The following AMOTL1 variants were observed in gnomAD, a reference collection of about 807,000 sequenced individuals.
AMOTL1 encodes the protein angiomotin-like protein 1.
Under a neutral mutation model 102.9 loss-of-function variants are expected in AMOTL1, and 45 were observed. The ratio of observed to expected loss-of-function variants is 0.44; its 90% CI spans 0.34 to 0.56. The LOEUF is 0.56. Among genes scored for constraint, AMOTL1 ranks in the 20% least tolerant of loss-of-function variants. The probability of loss-of-function intolerance (pLI) is 0.01; values close to 1 mark genes in which losing one functional copy is unlikely to be tolerated. For missense variants in AMOTL1, 1,114 were observed against 1,225.6 expected, an observed-to-expected ratio of 0.91 and a Z score of 1.36; for synonymous variants, 481 against 484.7, an observed-to-expected ratio of 0.99 and a Z score of 0.10.
intron 3 of AMOTL1, chr11:94,741,036 G>C (rs1463957881): frequency 7.9e-7 from 1 of 1,269,518 alleles, no homozygotes; most frequent in South Asian, 1.2e-5. Flanking sequence ...AATTCTGCCC[G>C]AGAACTGCGA....
intron 1 of AMOTL1, among the ~76,000 whole-genome samples, chr11:94,780,046 T>C (rs1345720211): frequency 1.3e-5 from 2 of 152,214 alleles, no homozygotes; most frequent in African/African-American, 2.4e-5. Context: ...AAGAAGAGAT[T>C]TGAAGTTCAT....
intron 1 of AMOTL1, among the ~76,000 whole-genome samples, chr11:94,714,783 T>C (rs190112829): frequency 5.8e-4 from 88 of 152,204 alleles, no homozygotes; most frequent in Non-Finnish European, 9.3e-4. Flanking sequence ...AGCTAGAGAG[T>C]TATCAATTAT....
At chr11:94,865,057 G>C (rs1952853688) in intron 10 of AMOTL1, among the ~76,000 whole-genome samples, 197 bp downstream of exon 10, 1 of 152,170 alleles carries the variant, frequency 6.6e-6, no homozygotes, top group Non-Finnish European at 1.5e-5. Context: ...AATGGATCTG[G>C]TGCCGGAGTT....
At chr11:94,848,019 C>T (rs1005132022) in intron 6 of AMOTL1, among the ~76,000 whole-genome samples, 7 of 152,182 alleles carry the variant, frequency 4.6e-5, no homozygotes, top group African/African-American at 1.7e-4. Context: ...GGTTCATCTC[C>T]AGGATGCCTG....
chr11:94,744,073 C>T (rs979882366), intron 3 of AMOTL1, among the ~76,000 whole-genome samples: 1 of 152,176 alleles, frequency 6.6e-6, no homozygotes, highest in Non-Finnish European at 1.5e-5. Flanking sequence ...AATTTTACCA[C>T]TACCCAGAGT....
At chr11:94,857,859 C>G (rs1952699513) in intron 8 of AMOTL1, among the ~76,000 whole-genome samples, 1 of 152,070 alleles carries the variant, frequency 6.6e-6, no homozygotes, top group Non-Finnish European at 1.5e-5. Flanking sequence ...TACTTGTCGT[C>G]TAGATGGCTG....
At chr11:94,707,248 C>CTGTGTGTGTGTG (rs1225814157) in intron 1 of AMOTL1, among the ~76,000 whole-genome samples, 14 of 65,918 alleles carry the variant, frequency 2.1e-4, no homozygotes, top group East Asian at 3.4e-4. Flanking sequence ...CTCTCTCTCT[C>CTGTGTGTGTGTG]TCTGTGTGTG....
At chr11:94,768,352 C>G, upstream of AMOTL1, 4 of 1,370,272 alleles carry the variant, frequency 2.9e-6, no homozygotes, top group Non-Finnish European at 2.8e-6. Context: ...CGGACGGCGG[C>G]GGGAGCGCGC....
intron 7 of AMOTL1, among the ~76,000 whole-genome samples, chr11:94,851,965 C>T (rs190166917): frequency 8.9e-4 from 135 of 152,306 alleles, no homozygotes; most frequent in African/African-American, 3.2e-3. Context: ...AAATGCTGAG[C>T]GCTATTCCAG....
chr11:94,759,074 C>G (rs1294623400), intron 3 of AMOTL1, among the ~76,000 whole-genome samples: 2 of 152,152 alleles, frequency 1.3e-5, no homozygotes, highest in African/African-American at 4.8e-5. Context: ...TTGAAAATGA[C>G]TTAAAATGTT....
chr11:94,801,184 A>T (rs928390587), intron 3 of AMOTL1, among the ~76,000 whole-genome samples: 2 of 152,192 alleles, frequency 1.3e-5, no homozygotes, highest in African/African-American at 2.4e-5. Context: ...TTGAGTTGGA[A>T]CTTGAAGGAT....
At chr11:94,825,497 G>A (rs72973811) in intron 4 of AMOTL1, among the ~76,000 whole-genome samples, 36,230 of 152,124 alleles carry the variant, frequency 0.24, 4,922 homozygotes, top group East Asian at 0.46. Flanking sequence ...TGCTCTGCTT[G>A]TAGTTCTGTC....
At chr11:94,774,132 C>T (rs1950991962) in intron 1 of AMOTL1, among the ~76,000 whole-genome samples, 1 of 152,182 alleles carries the variant, frequency 6.6e-6, no homozygotes, top group Admixed American at 6.5e-5. Context: ...AAGCAAAACA[C>T]TTTATAATGT....
rs1408463473 is a variant in AMOTL1, at chr11:94,799,235, A to G, written c.200-155A>G. 2.0e-5 allele frequency among the ~76,000 whole-genome samples: 3 copies of G among 152,180 alleles called. No homozygotes were observed. The highest frequency in any genetic ancestry group is 6.5e-5 in the Admixed American group (1 of 15,288). On this transcript the variant is annotated intron_variant, in intron 2 of 12. Transcript: ENST00000433060. This position sits in a 1 kb window ranked among gnomAD's most constrained non-coding sequence, Gnocchi z 4.5. Reference sequence around the variant, plus strand: ...GCTTTGAATTGGAGAAGAAAATTCCATGAGACATTGCCAGGTAAATGGAGG... The same window carrying G: ...GCTTTGAATTGGAGAAGAAAATTCCGTGAGACATTGCCAGGTAAATGGAGG...
chr11:94,775,771 C>A (rs1951019291), intron 1 of AMOTL1, among the ~76,000 whole-genome samples: 2 of 152,182 alleles, frequency 1.3e-5, no homozygotes, highest in South Asian at 4.1e-4. Flanking sequence ...GATGATAAGA[C>A]AGGGACACAT....
chr11:94,794,687 CA>C (rs1951334881), intron 1 of AMOTL1, among the ~76,000 whole-genome samples: 1 of 152,192 alleles, frequency 6.6e-6, no homozygotes, highest in South Asian at 2.1e-4. Context: ...AACTTTGTGA[CA>C]CATTCAGTCC....
intron 2 of AMOTL1, among the ~76,000 whole-genome samples, chr11:94,737,508 AT>A (rs1235664084): frequency 6.6e-6 from 1 of 152,192 alleles, no homozygotes; most frequent in African/African-American, 2.4e-5. Flanking sequence ...CTCTCACCAC[AT>A]TGGTATGCTA....
intron 2 of AMOTL1, among the ~76,000 whole-genome samples, chr11:94,734,708 G>A (rs1217572639): frequency 6.6e-6 from 1 of 152,164 alleles, no homozygotes; most frequent in Middle Eastern, 3.2e-3. Context: ...CTGCTCTGCT[G>A]TTAACTAGCA....
At chr11:94,860,449 T>C (rs1237632025) in intron 9 of AMOTL1, among the ~76,000 whole-genome samples, 1 of 152,302 alleles carries the variant, frequency 6.6e-6, no homozygotes, top group African/African-American at 2.4e-5. Flanking sequence ...ATAAACTAGC[T>C]CAAAGTGTGC....
Sources: allele counts gnomAD v4.1 joint callset (sites outside exome capture counted in the v4.1 genomes callset), GRCh38; gene constraint gnomAD v4.1.1; non-coding constraint Gnocchi (gnomAD v3.1); transcripts MANE v1.5; gene names NCBI Gene and HGNC (gene_info 2026-07-23, HGNC 2026-07-21).